CHST11: variants seen among roughly 807,000 people sequenced by gnomAD.
CHST11 encodes carbohydrate sulfotransferase 11.
In CHST11, 9 loss-of-function variants were observed where a neutral mutation model predicts 30.4. The ratio of observed to expected loss-of-function variants is 0.30; its 90% CI spans 0.18 to 0.52. CHST11 has a LOEUF of 0.52. Among genes scored for constraint, CHST11 ranks in the 20% least tolerant of loss-of-function variants. CHST11 has a pLI of 0.97. For synonymous variants in CHST11, 152 were observed against 187.8 expected, an observed-to-expected ratio of 0.81 and a Z score of 1.56; for missense variants, 348 against 460.6, an observed-to-expected ratio of 0.76 and a Z score of 2.24.
Position 104,760,189 on chromosome 12 carries a change from T to G in CHST11, c.*2386T>G, listed in dbSNP as rs1402191492. Reference sequence around the variant, plus strand: ...GAGCTAGGGTTCCACCGAGTATACTTTGCTTAGGTTGACTTAGCATATCTG... The same window carrying G: ...GAGCTAGGGTTCCACCGAGTATACTGTGCTTAGGTTGACTTAGCATATCTG... On this transcript the variant is annotated 3_prime_UTR_variant, in exon 3 of 3. Transcript: ENST00000303694. The G allele has an allele frequency of 6.6e-6, 1 of 152,114 alleles. No individual in the cohort carries two copies. Among genetic ancestry groups the G allele is most frequent in the Non-Finnish European group, 1.5e-5 (1 of 68,010 alleles). 9.4% of individuals were successfully genotyped at this position (152,114 alleles called of 1,614,324 possible).
At chr12:104,488,034 A>T (rs1239349612) in intron 1 of CHST11, among the ~76,000 whole-genome samples, 1 of 152,054 alleles carries the variant, frequency 6.6e-6, no homozygotes, top group African/African-American at 2.4e-5. Context: ...TCAGCCTCCC[A>T]AGTAGCTGGG....
intron 1 of CHST11, among the ~76,000 whole-genome samples, chr12:104,561,056 T>C (rs1177498331): frequency 6.6e-6 from 1 of 152,228 alleles, no homozygotes; most frequent in African/African-American, 2.4e-5. Flanking sequence ...CTTATGGTAC[T>C]TTTTCCCATC....
chr12:104,559,060 C>T (rs906140729), intron 1 of CHST11, among the ~76,000 whole-genome samples: 2 of 151,580 alleles, frequency 1.3e-5, no homozygotes, highest in Admixed American at 6.6e-5. Flanking sequence ...GTGTTCCCAC[C>T]GAGAGGGAGG....
At chr12:104,480,582 A>G (rs1178125979) in intron 1 of CHST11, among the ~76,000 whole-genome samples, 1 of 151,008 alleles carries the variant, frequency 6.6e-6, no homozygotes, top group Non-Finnish European at 1.5e-5. Context: ...CATCTCAAAA[A>G]AAAAAAAAAA....
intron 1 of CHST11, among the ~76,000 whole-genome samples, chr12:104,469,257 C>G (rs1302093862): frequency 2.0e-5 from 3 of 152,202 alleles, no homozygotes; most frequent in Admixed American, 6.5e-5. Flanking sequence ...CAGGCATACC[C>G]GCTGCCAAGG....
At chr12:104,681,086 C>T (rs1362840317) in intron 2 of CHST11, among the ~76,000 whole-genome samples, 2 of 152,200 alleles carry the variant, frequency 1.3e-5, no homozygotes. Context: ...GTTCTCTCTT[C>T]TTGCAGTCTC....
At chr12:104,484,001 A>G (rs1240834234) in intron 1 of CHST11, among the ~76,000 whole-genome samples, 2 of 152,186 alleles carry the variant, frequency 1.3e-5, no homozygotes, top group Non-Finnish European at 2.9e-5. Flanking sequence ...TGTTTCTACT[A>G]CTGTCTGCGA....
At chr12:104,518,932 A>G (rs1376314365) in intron 1 of CHST11, among the ~76,000 whole-genome samples, 1 of 149,646 alleles carries the variant, frequency 6.7e-6, no homozygotes, top group African/African-American at 2.5e-5. Context: ...TTTAATAGAA[A>G]CCATTTTTTT....
intron 1 of CHST11, among the ~76,000 whole-genome samples, chr12:104,558,278 G>C (rs1478443933): frequency 2.0e-5 from 3 of 152,106 alleles, no homozygotes; most frequent in Non-Finnish European, 4.4e-5. Context: ...AGGTAGATGA[G>C]ACTTCTTGAA....
intron 2 of CHST11, among the ~76,000 whole-genome samples, chr12:104,603,046 C>G (rs1010369885): frequency 2.6e-5 from 4 of 152,122 alleles, no homozygotes; most frequent in Non-Finnish European, 5.9e-5. Flanking sequence ...TGTGACTTGG[C>G]CAGATTAGCC....
intron 2 of CHST11, among the ~76,000 whole-genome samples, chr12:104,639,127 T>C (rs1451357990): frequency 6.6e-6 from 1 of 152,214 alleles, no homozygotes; most frequent in Non-Finnish European, 1.5e-5. Flanking sequence ...ATCCTGGAGT[T>C]TGCAGGGCAT....
intron 2 of CHST11, among the ~76,000 whole-genome samples, chr12:104,645,739 T>C (rs2039422398): frequency 7.3e-6 from 1 of 136,492 alleles, no homozygotes; most frequent in African/African-American, 2.8e-5. Flanking sequence ...TAAAAGGAAA[T>C]TAAACTAGGA....
intron 1 of CHST11, among the ~76,000 whole-genome samples, chr12:104,477,618 AC>A (rs898783953): frequency 9.2e-5 from 14 of 151,984 alleles, no homozygotes; most frequent in African/African-American, 3.4e-4. Flanking sequence ...AGAGACCCTC[AC>A]CTCTTGTGCC....
chr12:104,587,441 A>G lies in CHST11; in HGVS notation c.119-14465A>G, dbSNP rs60937181. 2.3e-3 allele frequency among the ~76,000 whole-genome samples: 351 copies of G among 152,332 alleles called. 5 individuals carry two copies. The highest frequency in any genetic ancestry group is 7.9e-3 in the African/African-American group (330 of 41,570). On this transcript the variant is annotated intron_variant, in intron 1 of 2. Transcript: ENST00000303694. ...GAGATAGGGTCTCAAGCGGTTGCCC[A>G]GACTAGAGTGCAGTGGCAGGATCAT...
chr12:104,596,679 T>A (rs1307132456), intron 1 of CHST11, among the ~76,000 whole-genome samples: 2 of 152,178 alleles, frequency 1.3e-5, no homozygotes, highest in Non-Finnish European at 2.9e-5. Context: ...CATTATTACA[T>A]CTAACTTAAA....
At chr12:104,549,397 T>C (rs2038383919) in intron 1 of CHST11, among the ~76,000 whole-genome samples, 1 of 152,184 alleles carries the variant, frequency 6.6e-6, no homozygotes, top group Non-Finnish European at 1.5e-5. Context: ...GGACCATTGT[T>C]GGGAGAAAGA....
intron 2 of CHST11, among the ~76,000 whole-genome samples, chr12:104,711,326 A>G (rs2040085965): frequency 6.6e-6 from 1 of 152,212 alleles, no homozygotes; most frequent in Admixed American, 6.5e-5. Context: ...TAACTCTTGC[A>G]TAGGTTATAT....
intron 2 of CHST11, among the ~76,000 whole-genome samples, chr12:104,705,484 C>A (rs1187852527): frequency 6.6e-6 from 1 of 152,126 alleles, no homozygotes; most frequent in East Asian, 1.9e-4. Flanking sequence ...TTTGGAGCAC[C>A]AACTGTGCCT....
intron 1 of CHST11, among the ~76,000 whole-genome samples, chr12:104,577,069 C>G (rs368056654): frequency 1.3e-5 from 2 of 151,922 alleles, no homozygotes; most frequent in East Asian, 3.9e-4. Context: ...CAGTCTAAGG[C>G]TCCAGGTGGG....
Sources: allele counts gnomAD v4.1 joint callset (sites outside exome capture counted in the v4.1 genomes callset), GRCh38; gene constraint gnomAD v4.1.1; transcripts MANE v1.5; gene names NCBI Gene and HGNC (gene_info 2026-07-23, HGNC 2026-07-21).